Variants in DOCK5 observed in about 807,000 individuals in gnomAD.
The protein encoded by DOCK5 is dedicator of cytokinesis protein 5.
Under a neutral mutation model 251.8 loss-of-function variants are expected in DOCK5, and 142 were observed. The observed-to-expected ratio is 0.56, with a 90% CI of 0.49 to 0.65. The LOEUF is 0.65. Ranked by LOEUF, DOCK5 falls within the 30% of genes least tolerant of loss-of-function variation. The pLI, the probability that DOCK5 is intolerant of heterozygous loss-of-function variation, is 0.00. For missense variants in DOCK5, 2,111 were observed against 2,312.3 expected (o/e 0.91, Z 1.79); for synonymous variants, 842 against 835.5 (o/e 1.01, Z -0.13).
intron 1 of DOCK5, among the ~76,000 whole-genome samples, chr8:25,203,242 G>T (rs1422598318): frequency 6.6e-6 from 1 of 152,202 alleles, no homozygotes; most frequent in Non-Finnish European, 1.5e-5. Context: ...ATGTCTTCTT[G>T]AATTAAAGAG....
intron 18 of DOCK5, among the ~76,000 whole-genome samples, chr8:25,331,692 G>A (rs1586335530): frequency 6.6e-6 from 1 of 151,154 alleles, no homozygotes; most frequent in East Asian, 1.9e-4. Flanking sequence ...CCTAAGACAT[G>A]TAATTTAACT....
At chr8:25,203,282 T>C (rs1240612843) in intron 1 of DOCK5, among the ~76,000 whole-genome samples, 2 of 152,222 alleles carry the variant, frequency 1.3e-5, no homozygotes, top group East Asian at 3.8e-4. Context: ...ACTGGAGTCA[T>C]TTTTCAGAAG....
chr8:25,400,548 C>T (rs1801421593), intron 46 of DOCK5, among the ~76,000 whole-genome samples: 1 of 149,616 alleles, frequency 6.7e-6, no homozygotes, highest in African/African-American at 2.5e-5. Context: ...CATGTGTTTC[C>T]AGCTGAGAGA....
chr8:25,382,673 G>GA lies in DOCK5; in HGVS notation c.4033dup (p.Arg1345LysfsTer6), dbSNP rs1239294263. ...TTGGAATGTCTTGTTTTGTTTTCCA[G>GA]AAAAAAAGGGCCTCATTTTATGAGA... On this transcript the variant is annotated frameshift_variant and splice_region_variant. Transcript: ENST00000276440. LOFTEE classifies it high-confidence loss of function. 6.2e-7 allele frequency: 1 copy of GA among 1,604,340 alleles called. No individual in the cohort carries two copies. Among genetic ancestry groups the GA allele is most frequent in the Non-Finnish European group, 8.5e-7 (1 of 1,175,534 alleles).
chr8:25,360,704 C>G (rs1800662236), intron 28 of DOCK5, among the ~76,000 whole-genome samples: 1 of 152,032 alleles, frequency 6.6e-6, no homozygotes, highest in Non-Finnish European at 1.5e-5. Context: ...GTAGCTAATG[C>G]CTATGAGGAC....
intron 13 of DOCK5, among the ~76,000 whole-genome samples, chr8:25,316,756 A>C (rs1805262549): frequency 6.6e-6 from 1 of 152,202 alleles, no homozygotes; most frequent in Non-Finnish European, 1.5e-5. Flanking sequence ...TTAGATAGAA[A>C]TTTTTAATAG....
At chr8:25,274,951 G>A (rs1804005990) in intron 3 of DOCK5, among the ~76,000 whole-genome samples, 1 of 152,112 alleles carries the variant, frequency 6.6e-6, no homozygotes, top group Non-Finnish European at 1.5e-5. Context: ...GGAGGTTTCT[G>A]GAACCAACCC....
chr8:25,348,442 C>T (rs559003129), intron 26 of DOCK5, among the ~76,000 whole-genome samples: 1 of 152,220 alleles, frequency 6.6e-6, no homozygotes, highest in South Asian at 2.1e-4. Context: ...CTCTTATGCT[C>T]CAGGCACTGG....
At chr8:25,355,124 C>T (rs1800544756) in intron 27 of DOCK5, among the ~76,000 whole-genome samples, 1 of 152,076 alleles carries the variant, frequency 6.6e-6, no homozygotes, top group South Asian at 2.1e-4. Context: ...GCCCCAGCTG[C>T]TTAGGAGGAT....
intron 8 of DOCK5, chr8:25,299,431 C>A: frequency 4.2e-6 from 1 of 236,178 alleles, no homozygotes; most frequent in South Asian, 8.7e-5. Flanking sequence ...AGAGCAACGG[C>A]AGTATTCTGT....
intron 1 of DOCK5, among the ~76,000 whole-genome samples, chr8:25,188,446 G>A (rs1014989687): frequency 2.0e-5 from 3 of 152,196 alleles, no homozygotes; most frequent in African/African-American, 7.2e-5. Flanking sequence ...TGCTCTAAGA[G>A]GAGTGTGCCT....
At chr8:25,304,069 A>G (rs1804836185) in intron 10 of DOCK5, among the ~76,000 whole-genome samples, 186 bp from the exon 11 acceptor site, 1 of 152,216 alleles carries the variant, frequency 6.6e-6, no homozygotes, top group Admixed American at 6.5e-5. Context: ...TTAGCACCTC[A>G]TGAGTCACTT....
intron 14 of DOCK5, among the ~76,000 whole-genome samples, chr8:25,318,504 T>TC (rs1805326311): frequency 1.1e-5 from 1 of 91,834 alleles, no homozygotes; most frequent in Non-Finnish European, 2.1e-5. Context: ...TTTCCTCTCC[T>TC]CCCCCACTTC....
intron 3 of DOCK5, among the ~76,000 whole-genome samples, chr8:25,273,309 A>G (rs1803960946): frequency 6.6e-6 from 1 of 152,226 alleles, no homozygotes; most frequent in Non-Finnish European, 1.5e-5. Context: ...CATTAAAAAA[A>G]TTAAATAGAC....
chr8:25,243,688 A>C lies in DOCK5; in HGVS notation c.58A>C (p.Asn20His). 1 of 1,613,462 alleles carries C rather than the reference A, an allele frequency of 6.2e-7. No individual in the cohort carries two copies. The highest frequency in any genetic ancestry group is 1.1e-5 in the South Asian group (1 of 91,044). The change falls in exon 2 of 52, where the codon AAT becomes CAT. Residue 20 changes from asparagine to histidine, a missense_variant. Around this residue, in one of 3 missense-constraint regions of DOCK5, gnomAD observed 335 missense variants for 324.9 expected, o/e 1.03. Coordinates refer to ENST00000276440, the MANE Select transcript of DOCK5 (RefSeq NM_024940.8). ...CTCATTTCCAGCGATCTATAACTACAATGCTTCTCAAGATGTGGAGCTCTC... is the reference window on the plus strand; with the variant it reads ...CTCATTTCCAGCGATCTATAACTACCATGCTTCTCAAGATGTGGAGCTCTC... ...QKYGVAIYNY[N>H]ASQDVELSLQ...
Position 25,395,885 on chromosome 8 carries a change from T to C in DOCK5, c.4704+166T>C, listed in dbSNP as rs983499051. On this transcript the variant is annotated intron_variant, in intron 45 of 51. Coordinates refer to ENST00000276440, the MANE Select transcript of DOCK5 (RefSeq NM_024940.8). ...AATGAAACGATTGTCCCTGACTTCTTAGAGACTATCAGCAACCCAGCTGGT... is the reference window on the plus strand; with the variant it reads ...AATGAAACGATTGTCCCTGACTTCTCAGAGACTATCAGCAACCCAGCTGGT... 2.7e-5 allele frequency: 24 copies of C among 901,878 alleles called. No homozygotes were observed. The African/African-American group carries it at 3.1e-4, about 12-fold the overall frequency. The allele number at this position is 901,878 out of a possible 1,614,324, so 55.9% of individuals were successfully genotyped here. A position where few individuals can be genotyped will look rare whatever the true frequency, so the allele number is the denominator to read the frequency against.
chr8:25,316,679 C>A (rs1039021244), intron 13 of DOCK5, among the ~76,000 whole-genome samples: 4 of 152,162 alleles, frequency 2.6e-5, no homozygotes, highest in Non-Finnish European at 5.9e-5. Context: ...AAATATCACA[C>A]TCTCCAAGGC....
intron 34 of DOCK5, among the ~76,000 whole-genome samples, chr8:25,370,145 A>G (rs1282961109): frequency 1.3e-5 from 2 of 152,106 alleles, no homozygotes; most frequent in African/African-American, 2.4e-5. Flanking sequence ...CTGGGCTCCC[A>G]TTATCACCAC....
At chr8:25,191,323 G>C (rs1801577440) in intron 1 of DOCK5, among the ~76,000 whole-genome samples, 1 of 152,216 alleles carries the variant, frequency 6.6e-6, no homozygotes, top group African/African-American at 2.4e-5. Flanking sequence ...TAAAGACCCA[G>C]CTGCCTATAG....
Sources: gnomAD v4.1 joint callset for allele counts (sites outside exome capture counted in the v4.1 genomes callset) on GRCh38, gnomAD v4.1.1 for gene constraint, gnomAD v4.1.1 regional missense constraint, MANE v1.5 for transcripts, NCBI Gene and HGNC (gene_info 2026-07-23, HGNC 2026-07-21) for gene names.